Variants in CECR2 observed in about 807,000 individuals in gnomAD.
CECR2 encodes chromatin remodeling regulator CECR2.
In CECR2, 30 loss-of-function variants were observed where a neutral mutation model predicts 154.5. The ratio of observed to expected loss-of-function variants is 0.19; its 90% CI spans 0.15 to 0.26. The LOEUF (loss-of-function observed/expected upper bound fraction) is 0.26. CECR2 is among the 10% of genes least tolerant of loss of function. The pLI is 1.00. For missense variants in CECR2, 1,743 were observed against 1,829.3 expected, an observed-to-expected ratio of 0.95 and a Z score of 0.86; for synonymous variants, 725 against 683.7, an observed-to-expected ratio of 1.06 and a Z score of -0.94.
chr22:17,478,387 ACT>A (rs1298746219), intron 2 of CECR2, among the ~76,000 whole-genome samples: 3 of 127,398 alleles, frequency 2.4e-5, no homozygotes, highest in Non-Finnish European at 4.7e-5. Context: ...ACGGAGTCTC[ACT>A]CTGTCGCCCA....
At chr22:17,487,197 G>T (rs904275672) in intron 2 of CECR2, among the ~76,000 whole-genome samples, 2 of 152,192 alleles carry the variant, frequency 1.3e-5, no homozygotes, top group African/African-American at 4.8e-5. Context: ...TTGCAAATCT[G>T]GTCAGTGGGT....
intron 1 of CECR2, among the ~76,000 whole-genome samples, chr22:17,460,687 G>T (rs1268316185): frequency 1.3e-5 from 2 of 152,076 alleles, no homozygotes; most frequent in East Asian, 3.9e-4. Flanking sequence ...GAGAGTCTCT[G>T]CCTCTAGCCA....
chr22:17,385,916 C>T (rs1305833812), intron 1 of CECR2, among the ~76,000 whole-genome samples: 2 of 152,110 alleles, frequency 1.3e-5, no homozygotes, highest in Non-Finnish European at 2.9e-5. Context: ...ACTGGATGAC[C>T]CCCAGGGTGG....
intron 1 of CECR2, among the ~76,000 whole-genome samples, chr22:17,454,600 G>A (rs866329430): frequency 3.9e-4 from 54 of 138,258 alleles, no homozygotes; most frequent in African/African-American, 1.3e-3. Flanking sequence ...GCGAGACTCC[G>A]TCTCAAAAAA....
intron 13 of CECR2, 136 bp downstream of exon 13, chr22:17,539,255 C>T: frequency 1.1e-6 from 1 of 922,936 alleles, no homozygotes; most frequent in Non-Finnish European, 1.6e-6. Flanking sequence ...ATGGGATTGA[C>T]CATTCCAGCC....
intron 1 of CECR2, chr22:17,477,218 T>C: frequency 2.8e-6 from 2 of 702,804 alleles, no homozygotes; most frequent in Non-Finnish European, 5.3e-6. Context: ...TCCTCTCTTT[T>C]GCGATTAAAA....
intron 1 of CECR2, among the ~76,000 whole-genome samples, chr22:17,446,667 G>C (rs1333228128): frequency 6.6e-6 from 1 of 152,190 alleles, no homozygotes; most frequent in Admixed American, 6.5e-5. Flanking sequence ...AGTGAGCTGA[G>C]ATCCTGCCAC....
chr22:17,497,682 T>C, intron 3 of CECR2, 96 bp downstream of exon 3: 1 of 1,274,172 alleles, frequency 7.8e-7, no homozygotes, highest in Non-Finnish European at 1.1e-6. Flanking sequence ...AAGCCAGAGT[T>C]TGGCTTGTGG....
chr22:17,497,913 G>A (rs192287366), intron 3 of CECR2, among the ~76,000 whole-genome samples: 4 of 152,162 alleles, frequency 2.6e-5, no homozygotes, highest in African/African-American at 7.2e-5. Context: ...AACTAAATCC[G>A]CCACTGAGTT....
At chr22:17,432,019 G>T in intron 1 of CECR2, among the ~76,000 whole-genome samples, 1 of 149,620 alleles carries the variant, frequency 6.7e-6, no homozygotes, top group African/African-American at 2.5e-5. Flanking sequence ...TTTCCTGTAA[G>T]TGGAATCACA....
intron 8 of CECR2, among the ~76,000 whole-genome samples, chr22:17,517,748 A>G (rs1465926092): frequency 2.0e-5 from 3 of 152,236 alleles, no homozygotes; most frequent in African/African-American, 7.2e-5. Context: ...TTAAAATGCT[A>G]GGAGAGCTTC....
intron 1 of CECR2, among the ~76,000 whole-genome samples, chr22:17,423,172 C>T (rs1474137249): frequency 6.6e-6 from 1 of 152,086 alleles, no homozygotes; most frequent in Non-Finnish European, 1.5e-5. Context: ...GTTCTTTAGT[C>T]TTAGGATTAG....
chr22:17,483,127 G>A (rs376593140), intron 2 of CECR2, among the ~76,000 whole-genome samples: 2 of 152,256 alleles, frequency 1.3e-5, no homozygotes, highest in East Asian at 1.9e-4. Context: ...AGATGTCGAG[G>A]TGGAAGACAG....
intron 2 of CECR2, among the ~76,000 whole-genome samples, chr22:17,489,062 G>A (rs958196449): frequency 6.6e-6 from 1 of 152,100 alleles, no homozygotes; most frequent in Non-Finnish European, 1.5e-5. Context: ...TCCTGCCTCA[G>A]CCTCCCAAGT....
At chr22:17,521,854 A>G (rs1354084249) in intron 8 of CECR2, among the ~76,000 whole-genome samples, 3 of 152,152 alleles carry the variant, frequency 2.0e-5, no homozygotes, top group Non-Finnish European at 2.9e-5. Flanking sequence ...GGTAATGCCT[A>G]GGTTTTCTTC....
At chr22:17,390,172 G>A (rs1569049980) in intron 1 of CECR2, among the ~76,000 whole-genome samples, 1 of 152,072 alleles carries the variant, frequency 6.6e-6, no homozygotes, top group Non-Finnish European at 1.5e-5. Context: ...AAATAGAGCC[G>A]TTTTTCAGTG....
intron 1 of CECR2, among the ~76,000 whole-genome samples, chr22:17,386,439 T>C (rs1331800212): frequency 1.3e-5 from 2 of 152,144 alleles, no homozygotes; most frequent in Non-Finnish European, 2.9e-5. Context: ...GTTCCTTCAT[T>C]TGGTGTTGTA....
chr22:17,511,518 AT>A (rs36060157), intron 7 of CECR2, among the ~76,000 whole-genome samples: 60,053 of 146,350 alleles, frequency 0.41, 11,886 homozygotes, highest in East Asian at 0.5. Context: ...TGGGAAGATA[AT>A]TTTTTTTTTT....
At chr22:17,543,370 G>T (rs562691854) in intron 16 of CECR2, among the ~76,000 whole-genome samples, 48 of 151,664 alleles carry the variant, frequency 3.2e-4, no homozygotes, top group Non-Finnish European at 6.2e-4. Flanking sequence ...TCGTGACCTT[G>T]TGACCTGCCC....
Sources: gnomAD v4.1 joint callset for allele counts (sites outside exome capture counted in the v4.1 genomes callset) on GRCh38, gnomAD v4.1.1 for gene constraint, MANE v1.5 for transcripts, NCBI Gene and HGNC (gene_info 2026-07-23, HGNC 2026-07-21) for gene names.